The following KIRREL3 variants were observed in gnomAD, a reference collection of about 807,000 sequenced individuals.
KIRREL3 encodes kirre like nephrin family adhesion molecule 3.
In KIRREL3, 36 loss-of-function variants were observed where a neutral mutation model predicts 89.7. The ratio of observed to expected loss-of-function variants is 0.40; its 90% CI spans 0.31 to 0.53. The LOEUF is 0.53. Among genes scored for constraint, KIRREL3 ranks in the 20% least tolerant of loss-of-function variants. KIRREL3 has a pLI of 0.49. For missense variants in KIRREL3, 864 were observed against 1,056.6 expected, an observed-to-expected ratio of 0.82 and a Z score of 2.53; for synonymous variants, 445 against 441.4, an observed-to-expected ratio of 1.01 and a Z score of -0.10.
At chr11:126,737,473 C>T (rs941271611) in intron 1 of KIRREL3, among the ~76,000 whole-genome samples, 11 of 152,174 alleles carry the variant, frequency 7.2e-5, no homozygotes, top group African/African-American at 1.7e-4. Context: ...AGGGGACAGA[C>T]GATGGTCTCC....
Position 126,495,367 on chromosome 11 carries a change from C to G in KIRREL3, c.434-21901G>C, listed in dbSNP as rs1256724834. 6.6e-6 allele frequency among the ~76,000 whole-genome samples: 1 copy of G among 152,174 alleles called. No individual in the cohort carries two copies. The highest frequency in any genetic ancestry group is 1.5e-5 in the Non-Finnish European group (1 of 68,030). ...AGAGATCCTCTACATGAACCTCCCT[C>G]TCTGCGCCCTACCTCCAGCACCCTC... On this transcript the variant is annotated intron_variant, in intron 4 of 16. Coordinates refer to ENST00000525144, the MANE Select transcript of KIRREL3 (RefSeq NM_032531.4). This position sits in a 1 kb window ranked among gnomAD's most constrained non-coding sequence, Gnocchi z 6.5.
At chr11:126,793,110 C>T (rs1167141022) in intron 1 of KIRREL3, among the ~76,000 whole-genome samples, 1 of 151,548 alleles carries the variant, frequency 6.6e-6, no homozygotes, top group Non-Finnish European at 1.5e-5. Context: ...AGCTCCCCAC[C>T]CCCACCCACC....
At chr11:126,845,289 C>T (rs1454458480) in intron 1 of KIRREL3, among the ~76,000 whole-genome samples, 2 of 152,196 alleles carry the variant, frequency 1.3e-5, no homozygotes, top group Admixed American at 1.3e-4. Context: ...ACCCAGAAGC[C>T]TGGCATGCTG....
rs1007742201 is a variant in KIRREL3 at position 126,608,400 on chromosome 11, T to G, written c.56-45488A>C. 2.0e-5 allele frequency among the ~76,000 whole-genome samples: 3 copies of G among 152,210 alleles called. No individual in the cohort carries two copies. The highest frequency in any genetic ancestry group is 7.2e-5 in the African/African-American group (3 of 41,452). The stretch of plus-strand genomic sequence containing the variant: ...GGCTATCGAGCTGAATTAAGCTGCC[T>G]AAGATCACCTCATTAAATTCACTAA... On this transcript the variant is annotated intron_variant, in intron 1 of 16. Transcript: ENST00000525144. The surrounding 1 kb of genome is among the most constrained non-coding windows in gnomAD (Gnocchi z 4.9).
At chr11:126,588,320 T>A (rs561446064) in intron 1 of KIRREL3, among the ~76,000 whole-genome samples, 1 of 152,336 alleles carries the variant, frequency 6.6e-6, no homozygotes, top group East Asian at 1.9e-4. Context: ...AAAATGGGAA[T>A]AAGTGTACTC....
At position 126,990,042 on chromosome 11, in the gene KIRREL3, G is replaced by T. The variant is rs1406420388; in HGVS notation, c.55+10413C>A. On this transcript the variant is annotated intron_variant, in intron 1 of 16. Coordinates refer to ENST00000525144, the MANE Select transcript of KIRREL3 (RefSeq NM_032531.4). This position sits in a 1 kb window ranked among gnomAD's most constrained non-coding sequence, Gnocchi z 6.3. ...TTGGCTCCCTGACCCTGGAAGGGTG[G>T]AATCACTCCTTGTGGAAGGGAAAAC... Among the ~76,000 whole-genome samples, 6 of 152,328 alleles carry T rather than the reference G, an allele frequency of 3.9e-5. No homozygotes were observed. In the South Asian group the frequency reaches 1.0e-3, roughly 26 times the overall value.
intron 1 of KIRREL3, among the ~76,000 whole-genome samples, chr11:126,950,137 G>GGAGA (rs1199287824): frequency 2.6e-5 from 4 of 152,194 alleles, no homozygotes; most frequent in Non-Finnish European, 4.4e-5. Flanking sequence ...AATTTGGGAG[G>GGAGA]CCGAGGCAGG....
chr11:126,442,082 C>T (rs1955587134), intron 10 of KIRREL3, among the ~76,000 whole-genome samples: 1 of 151,612 alleles, frequency 6.6e-6, no homozygotes, highest in Non-Finnish European at 1.5e-5. Flanking sequence ...ACCAGCCTGG[C>T]CAATATGGTG....
Position 126,877,257 on chromosome 11 carries a change from G to A in KIRREL3, c.55+123198C>T, listed in dbSNP as rs1338807603. On this transcript the variant is annotated intron_variant, in intron 1 of 16. Transcript: ENST00000525144. This position sits in a 1 kb window ranked among gnomAD's most constrained non-coding sequence, Gnocchi z 4.9. Reference sequence around the variant, plus strand: ...AGTTCTCTTCTCCAGCCAGCCAAGAGCTGCATTACATCTGGAACTGGGCTC... The same window carrying A: ...AGTTCTCTTCTCCAGCCAGCCAAGAACTGCATTACATCTGGAACTGGGCTC... Among the ~76,000 whole-genome samples the A allele has an allele frequency of 6.6e-6, 1 of 152,196 alleles. No individual in the cohort carries two copies. Among genetic ancestry groups the A allele is most frequent in the East Asian group, 1.9e-4 (1 of 5,194 alleles).
chr11:126,726,970 T>C (rs1351799567), intron 1 of KIRREL3, among the ~76,000 whole-genome samples: 1 of 152,240 alleles, frequency 6.6e-6, no homozygotes, highest in Non-Finnish European at 1.5e-5. Context: ...TGCTTCTTTC[T>C]CTGAGCCGCC....
rs1169310980 is a variant in KIRREL3 at position 126,676,349 on chromosome 11, G to C, written c.56-113437C>G. ...TGAGAAGATGCTTTCATAGCCTGGA[G>C]TGAAGTCTGTCCCATCTGTCCTATC... On this transcript the variant is annotated intron_variant, in intron 1 of 16. Coordinates refer to ENST00000525144, the MANE Select transcript of KIRREL3 (RefSeq NM_032531.4). This position sits in a 1 kb window ranked among gnomAD's most constrained non-coding sequence, Gnocchi z 4.5. 6.6e-6 allele frequency among the ~76,000 whole-genome samples: 1 copy of C among 152,180 alleles called. No homozygotes were observed. The highest frequency in any genetic ancestry group is 2.4e-5 in the African/African-American group (1 of 41,434).
rs1415322038 is a variant in KIRREL3 at position 126,642,240 on chromosome 11, G to A, written c.56-79328C>T. The stretch of plus-strand genomic sequence containing the variant: ...AAACTTCAAAATCCTTCCTGCACTG[G>A]TCTCATTGGGGTTGGTGGTTAGTTC... On this transcript the variant is annotated intron_variant, in intron 1 of 16. Transcript: ENST00000525144. The surrounding 1 kb of genome is among the most constrained non-coding windows in gnomAD (Gnocchi z 4.9). 6.6e-6 allele frequency among the ~76,000 whole-genome samples: 1 copy of A among 152,192 alleles called. No individual in the cohort carries two copies. The highest frequency in any genetic ancestry group is 1.5e-5 in the Non-Finnish European group (1 of 68,030).
chr11:126,538,404 GAGA>G (rs1463133783), intron 2 of KIRREL3, among the ~76,000 whole-genome samples: 1 of 152,220 alleles, frequency 6.6e-6, no homozygotes, highest in Non-Finnish European at 1.5e-5. Flanking sequence ...AAGGGAAGGA[GAGA>G]AGAAGTCAGC....
At position 126,677,975 on chromosome 11, in the gene KIRREL3, G is replaced by C. The variant is rs571526551; in HGVS notation, c.56-115063C>G. Among the ~76,000 whole-genome samples the C allele has an allele frequency of 1.5e-3, 223 of 152,212 alleles. No individual in the cohort carries two copies. The highest frequency in any genetic ancestry group is 2.7e-3 in the Non-Finnish European group (182 of 68,006). ...ACCCAGAGACACACCCCGTCCCCAGGCTCCAGCTTCATGGAGCTTCAGAAT... is the reference window on the plus strand; with the variant it reads ...ACCCAGAGACACACCCCGTCCCCAGCCTCCAGCTTCATGGAGCTTCAGAAT... On this transcript the variant is annotated intron_variant, in intron 1 of 16. Transcript: ENST00000525144. The surrounding 1 kb of genome is among the most constrained non-coding windows in gnomAD (Gnocchi z 5.1).
At chr11:126,631,379 G>A (rs1426760368) in intron 1 of KIRREL3, among the ~76,000 whole-genome samples, 1 of 152,168 alleles carries the variant, frequency 6.6e-6, no homozygotes, top group Non-Finnish European at 1.5e-5. Context: ...ATTCGCACTG[G>A]AATTCTCAAA....
chr11:126,433,337 A>T (rs1311214416), intron 13 of KIRREL3, among the ~76,000 whole-genome samples: 1 of 151,980 alleles, frequency 6.6e-6, no homozygotes, highest in Non-Finnish European at 1.5e-5. Context: ...GAGGAGAAAG[A>T]CCTCAAACCC....
chr11:126,985,066 C>G lies in KIRREL3; in HGVS notation c.55+15389G>C, dbSNP rs1473761564. Among the ~76,000 whole-genome samples, 1 of 152,164 alleles carries G rather than the reference C, an allele frequency of 6.6e-6. No homozygotes were observed. Among genetic ancestry groups the G allele is most frequent in the African/African-American group, 2.4e-5 (1 of 41,438 alleles). On this transcript the variant is annotated intron_variant, in intron 1 of 16. Transcript: ENST00000525144. This position sits in a 1 kb window ranked among gnomAD's most constrained non-coding sequence, Gnocchi z 5.3. ...GAAAGTGTTCTGGAACTATGAAATA[C>G]TATACACATGCAAGGAAGGATTAAA...
Position 126,640,377 on chromosome 11 carries a change from C to T in KIRREL3, c.56-77465G>A, listed in dbSNP as rs1356150252. Among the ~76,000 whole-genome samples, 1 of 152,094 alleles carries T rather than the reference C, an allele frequency of 6.6e-6. No individual in the cohort carries two copies. Among genetic ancestry groups the T allele is most frequent in the Admixed American group, 6.6e-5 (1 of 15,256 alleles). On this transcript the variant is annotated intron_variant, in intron 1 of 16. Transcript: ENST00000525144. The surrounding 1 kb of genome is among the most constrained non-coding windows in gnomAD (Gnocchi z 4.9). ...GTGTGCGCGCGCACACACACGCACA[C>T]GCGCACACACAGAATTAAAAGGCAT... is the stretch of plus-strand genomic sequence containing the variant.
At chr11:126,957,739 G>A (rs1368128046) in intron 1 of KIRREL3, among the ~76,000 whole-genome samples, 1 of 152,208 alleles carries the variant, frequency 6.6e-6, no homozygotes, top group Non-Finnish European at 1.5e-5. Flanking sequence ...TCTAAGGTCA[G>A]GTCACCTTAA....
Sources: gnomAD v4.1 joint callset for allele counts (sites outside exome capture counted in the v4.1 genomes callset) on GRCh38, gnomAD v4.1.1 for gene constraint, Gnocchi (gnomAD v3.1) non-coding constraint, MANE v1.5 for transcripts, NCBI Gene and HGNC (gene_info 2026-07-23, HGNC 2026-07-21) for gene names.